Variants in CAMK1D observed in about 807,000 individuals in gnomAD.
The protein encoded by CAMK1D is calcium/calmodulin dependent protein kinase ID, also known as calcium/calmodulin-dependent protein kinase type 1D.
Under a neutral mutation model 47.7 loss-of-function variants are expected in CAMK1D, and 9 were observed. The observed-to-expected ratio is 0.19, with a 90% CI of 0.11 to 0.33. The LOEUF (loss-of-function observed/expected upper bound fraction) is 0.33, where lower values mean the gene tolerates loss of function less well. CAMK1D is among the 10% of genes least tolerant of loss of function. The pLI is 1.00. For missense variants in CAMK1D, 291 were observed against 488.7 expected, an observed-to-expected ratio of 0.60 and a Z score of 3.81; for synonymous variants, 184 against 184.9, an observed-to-expected ratio of 0.99 and a Z score of 0.04.
rs183556714 is a variant in CAMK1D, at chr10:12,777,756, A to G, written c.565+7957A>G. ...AGGTGAAACGGGTCTTGGTAAGTAC[A>G]CCAGCATGATGTCCACCGTGGGGCT... On this transcript the variant is annotated intron_variant, in intron 5 of 10. Transcript: ENST00000619168. 2.3e-3 allele frequency among the ~76,000 whole-genome samples: 352 copies of G among 152,290 alleles called. 2 individuals carry two copies. Among genetic ancestry groups the G allele is most frequent in the African/African-American group, 8.0e-3 (334 of 41,566 alleles).
intron 2 of CAMK1D, among the ~76,000 whole-genome samples, chr10:12,622,218 G>C (rs1323971009): frequency 6.6e-6 from 1 of 152,188 alleles, no homozygotes; most frequent in African/African-American, 2.4e-5. Context: ...CTTTGCTGCT[G>C]GTGGTGGTGG....
rs1833117574 is a variant in CAMK1D, at chr10:12,694,209, T to TATAATATATAATATATATTATAC, written c.299+27407_299+27408insTAATATATATTATACATAATATA. The stretch of plus-strand genomic sequence containing the variant: ...AATATAATATATATTATATATTATG[T>TATAATATATAATATATATTATAC]ATAATATAAAATATATATTATGTAT... On this transcript the variant is annotated intron_variant, in intron 3 of 10. Transcript: ENST00000619168. 5.3e-5 allele frequency among the ~76,000 whole-genome samples: 2 copies of TATAATATATAATATATATTATAC among 37,664 alleles called. 1 individual carries two copies. The allele number at this position is 37,664 out of a possible 152,430, so 24.7% of individuals were successfully genotyped here.
At chr10:12,662,615 G>A (rs1840306489) in intron 2 of CAMK1D, among the ~76,000 whole-genome samples, 1 of 149,680 alleles carries the variant, frequency 6.7e-6, no homozygotes. Context: ...TTGCACCACT[G>A]CACTCCAGCC....
At chr10:12,566,627 A>G (rs576014487) in intron 2 of CAMK1D, among the ~76,000 whole-genome samples, 1 of 152,340 alleles carries the variant, frequency 6.6e-6, no homozygotes, top group African/African-American at 2.4e-5. Flanking sequence ...GCCCGAGGTC[A>G]TGGAGCTAAG....
chr10:12,651,959 T>G (rs1324856612), intron 2 of CAMK1D, among the ~76,000 whole-genome samples: 3 of 151,652 alleles, frequency 2.0e-5, no homozygotes, highest in Non-Finnish European at 2.9e-5. Flanking sequence ...TTTTGTATTT[T>G]CAGTAGAGAT....
intron 2 of CAMK1D, among the ~76,000 whole-genome samples, chr10:12,572,598 A>G (rs1837361227): frequency 6.6e-6 from 1 of 151,928 alleles, no homozygotes; most frequent in African/African-American, 2.4e-5. Context: ...GCTGGAGGGG[A>G]GGGGCCCTAG....
intron 2 of CAMK1D, among the ~76,000 whole-genome samples, chr10:12,642,308 G>C (rs933340011): frequency 2.6e-5 from 4 of 152,172 alleles, no homozygotes; most frequent in African/African-American, 9.7e-5. Context: ...GCACTTTCAG[G>C]GCCTGGCATG....
chr10:12,469,441 C>T (rs1204483451), intron 1 of CAMK1D, among the ~76,000 whole-genome samples: 4 of 152,000 alleles, frequency 2.6e-5, no homozygotes, highest in Admixed American at 6.6e-5. Context: ...AATATATTTA[C>T]GGCTTCCACT....
intron 1 of CAMK1D, among the ~76,000 whole-genome samples, chr10:12,355,996 G>C (rs1271479998): frequency 6.6e-6 from 1 of 152,184 alleles, no homozygotes; most frequent in African/African-American, 2.4e-5. Flanking sequence ...CCATGGGGCT[G>C]TCTGAACGTA....
intron 8 of CAMK1D, among the ~76,000 whole-genome samples, chr10:12,820,955 C>T (rs1323399367): frequency 6.6e-6 from 1 of 152,226 alleles, no homozygotes; most frequent in Admixed American, 6.5e-5. Context: ...TGGTTCTGAG[C>T]ATTCATCTCT....
chr10:12,376,690 TCA>T (rs1248977964), intron 1 of CAMK1D, among the ~76,000 whole-genome samples: 2 of 152,108 alleles, frequency 1.3e-5, no homozygotes, highest in East Asian at 3.8e-4. Context: ...CCCCACCTGC[TCA>T]CACTCCTGAG....
intron 1 of CAMK1D, among the ~76,000 whole-genome samples, chr10:12,495,870 C>T (rs1834523412): frequency 6.6e-6 from 1 of 152,130 alleles, no homozygotes; most frequent in Non-Finnish European, 1.5e-5. Flanking sequence ...CTCTGTCACT[C>T]AGGCCGGAGT....
intron 6 of CAMK1D, among the ~76,000 whole-genome samples, chr10:12,805,516 G>A (rs1160897320): frequency 4.0e-5 from 6 of 151,654 alleles, no homozygotes; most frequent in African/African-American, 9.7e-5. Flanking sequence ...GATTACAGGC[G>A]TGCGCCACCA....
At chr10:12,696,409 C>A (rs1291943730) in intron 3 of CAMK1D, among the ~76,000 whole-genome samples, 1 of 152,006 alleles carries the variant, frequency 6.6e-6, no homozygotes, top group Non-Finnish European at 1.5e-5. Flanking sequence ...TGGTGGCGTG[C>A]ACCTGTAATC....
intron 1 of CAMK1D, among the ~76,000 whole-genome samples, chr10:12,394,073 A>C (rs985577860): frequency 6.6e-6 from 1 of 152,242 alleles, no homozygotes; most frequent in African/African-American, 2.4e-5. Context: ...CCGACTGGCC[A>C]TCCTTTGAGG....
At chr10:12,712,944 C>T (rs997832200) in intron 3 of CAMK1D, among the ~76,000 whole-genome samples, 4 of 152,116 alleles carry the variant, frequency 2.6e-5, no homozygotes, top group African/African-American at 9.7e-5. Flanking sequence ...TCAGAGCCCA[C>T]CCTCTGTGAA....
intron 1 of CAMK1D, among the ~76,000 whole-genome samples, chr10:12,353,681 C>T (rs2131830432): frequency 6.6e-6 from 1 of 152,150 alleles, no homozygotes; most frequent in East Asian, 1.9e-4. Context: ...ACAAACCTTT[C>T]AACCTGTGCG....
intron 1 of CAMK1D, among the ~76,000 whole-genome samples, chr10:12,352,897 T>C (rs560139451): frequency 6.6e-6 from 1 of 151,958 alleles, no homozygotes; most frequent in East Asian, 2.0e-4. Flanking sequence ...CCGCCATGCC[T>C]GGCTAATTTT....
At chr10:12,699,339 C>T (rs1833419767) in intron 3 of CAMK1D, among the ~76,000 whole-genome samples, 1 of 152,076 alleles carries the variant, frequency 6.6e-6, no homozygotes. Context: ...TTCTTGGTAG[C>T]CATTGCTCTG....
Sources: allele counts gnomAD v4.1 joint callset (sites outside exome capture counted in the v4.1 genomes callset), GRCh38; gene constraint gnomAD v4.1.1; transcripts MANE v1.5; gene names NCBI Gene and HGNC (gene_info 2026-07-23, HGNC 2026-07-21).